The following TSBP1 variants were observed in gnomAD, a reference collection of about 807,000 sequenced individuals.
The protein encoded by TSBP1 is testis-expressed basic protein 1.
A neutral mutation model predicts 68.8 loss-of-function variants in TSBP1; 56 were observed. That is an observed-to-expected ratio of 0.81 (90% confidence interval 0.66 to 1.02). The LOEUF (loss-of-function observed/expected upper bound fraction) is 1.02, where lower values mean the gene tolerates loss of function less well. TSBP1 is among the 50% of genes least tolerant of loss of function. TSBP1 has a pLI of 0.00. For missense variants in TSBP1, 502 were observed against 641.2 expected (o/e 0.78, Z 2.34); for synonymous variants, 171 against 208.7 (o/e 0.82, Z 1.56).
rs572730 is a variant in TSBP1, at chr6:32,321,987, C to T, written c.559+1130G>A. 0.34 allele frequency among the ~76,000 whole-genome samples: 50,930 copies of T among 152,022 alleles called. 9,641 individuals carry two copies. The highest frequency in any genetic ancestry group is 0.52 in the Middle Eastern group (153 of 294). ...TGTGTCCTCCCAGTTTTACACAGTT[C>T]CCAGGAGATTCACCTCATCTCACTC... On this transcript the variant is annotated intron_variant, in intron 18 of 22. Transcript: ENST00000612031. The surrounding 1 kb of genome is among the most constrained non-coding windows in gnomAD (Gnocchi z 4.3).
chr6:32,296,990 A>G (rs1416711789), intron 22 of TSBP1, among the ~76,000 whole-genome samples: 1 of 152,218 alleles, frequency 6.6e-6, no homozygotes, highest in African/African-American at 2.4e-5. Flanking sequence ...ATTTGCTGTC[A>G]TCTTTTAAAT....
intron 9 of TSBP1, among the ~76,000 whole-genome samples, chr6:32,345,735 C>T (rs116111528): frequency 0.023 from 3,470 of 152,198 alleles, 60 homozygotes; most frequent in South Asian, 0.047. Flanking sequence ...TTGGGCACTA[C>T]GCTAGTTCAA....
intron 19 of TSBP1, among the ~76,000 whole-genome samples, chr6:32,307,110 T>C (rs1215228850): frequency 6.6e-6 from 1 of 152,172 alleles, no homozygotes; most frequent in Non-Finnish European, 1.5e-5. Context: ...TGTGTCCTAC[T>C]CTTGAGATTT....
At chr6:32,322,431 C>T (rs9268235) in intron 18 of TSBP1, 55 bp downstream of exon 20, 123,345 of 1,334,402 alleles carry the variant, frequency 0.092, 7,734 homozygotes, top group Non-Finnish European at 0.12. Context: ...GAAATAGAAA[C>T]AACTAAGATA....
Position 32,292,985 on chromosome 6 carries a change from T to C in TSBP1, c.1688A>G (p.Glu563Gly), listed in dbSNP as rs546948582. 158 of 1,591,684 alleles carry C rather than the reference T, an allele frequency of 9.9e-5. No individual in the cohort carries two copies. The South Asian group carries it at 1.4e-3, about 14-fold the overall frequency. The change falls in exon 23 of 23, where the codon GAG becomes GGG. Residue 563 changes from glutamate (E) to glycine (G), a missense_variant. Coordinates refer to ENST00000612031, the Ensembl canonical transcript of TSBP1. The surrounding 1 kb of genome is among the most constrained non-coding windows in gnomAD (Gnocchi z 4.1). Reference sequence around the variant, plus strand: ...GGGCCTTTAAAAAATTTATCCTTACTCTTCCACTTTTTTGTTGTACTTCCT... The same window carrying C: ...GGGCCTTTAAAAAATTTATCCTTACCCTTCCACTTTTTTGTTGTACTTCCT...
At chr6:32,322,361 T>A in intron 18 of TSBP1, 125 bp downstream of exon 20, 1 of 718,894 alleles carries the variant, frequency 1.4e-6, no homozygotes, top group South Asian at 1.9e-5. Flanking sequence ...CTTGCAGTCC[T>A]AATCTTGAAG....
At chr6:32,303,152 T>C (rs1464909489) in intron 19 of TSBP1, among the ~76,000 whole-genome samples, 1 of 140,928 alleles carries the variant, frequency 7.1e-6, no homozygotes, top group African/African-American at 3.1e-5. Context: ...GGTTTACTTG[T>C]TGTCTTCTCT....
chr6:32,355,588 A>C (rs1772209113), intron 7 of TSBP1, 61 bp downstream of exon 7: 2 of 1,572,530 alleles, frequency 1.3e-6, no homozygotes, highest in Non-Finnish European at 1.7e-6. Context: ...AAGCATTTAC[A>C]ATCTAGGGAA....
rs1434589997 is a variant in TSBP1, at chr6:32,371,854, G to A, written c.-148C>T. On this transcript the variant is annotated 5_prime_UTR_variant, in exon 1 of 23. Transcript: ENST00000612031. ...GGCCCTTGTAGGCAGAGATGCAGAG[G>A]ATCACTGAGAAATTGTGTGGAGCAG... 26 of 802,058 alleles carry A rather than the reference G, an allele frequency of 3.2e-5. No individual in the cohort carries two copies. The Admixed American group carries it at 4.6e-4, about 14-fold the overall frequency. 49.7% of individuals were successfully genotyped at this position (802,058 alleles called of 1,614,324 possible).
chr6:32,369,881 A>G lies in TSBP1; in HGVS notation c.100+16T>C, dbSNP rs1361887024. The G allele has an allele frequency of 6.7e-7, 1 of 1,484,312 alleles. No homozygotes were observed. Among genetic ancestry groups the G allele is most frequent in the East Asian group, 2.3e-5 (1 of 44,268 alleles). 91.9% of individuals were successfully genotyped at this position (1,484,312 alleles called of 1,614,324 possible). A position where few individuals can be genotyped will look rare whatever the true frequency, so the allele number is the denominator to read the frequency against. The stretch of plus-strand genomic sequence containing the variant: ...GTTTTCACAGGAAATCTTCATTTTG[A>G]CTCATTATTACTCACCACTTTGCTT... On this transcript the variant is annotated intron_variant, in intron 2 of 22. Transcript: ENST00000612031.
rs1383133954 is a variant in TSBP1 at position 32,337,872 on chromosome 6, G to C, written c.409+1107C>G. 6.6e-6 allele frequency among the ~76,000 whole-genome samples: 1 copy of C among 152,156 alleles called. No homozygotes were observed. The highest frequency in any genetic ancestry group is 1.5e-5 in the Non-Finnish European group (1 of 68,034). On this transcript the variant is annotated intron_variant, in intron 11 of 22. Coordinates refer to ENST00000612031, the Ensembl canonical transcript of TSBP1. This position sits in a 1 kb window ranked among gnomAD's most constrained non-coding sequence, Gnocchi z 5.5. Reference sequence around the variant, plus strand: ...TGATTATTTTAATAATGTTCCATTTGTGTAAATACTCCAAGAGGAGTAGAC... The same window carrying C: ...TGATTATTTTAATAATGTTCCATTTCTGTAAATACTCCAAGAGGAGTAGAC...
chr6:32,320,844 A>G (rs1767547280), intron 18 of TSBP1, among the ~76,000 whole-genome samples: 1 of 151,476 alleles, frequency 6.6e-6, no homozygotes, highest in African/African-American at 2.4e-5. Context: ...CCCACCCTCC[A>G]CCCTCTGACA....
In TSBP1 at chr6:32,314,292, T is replaced by A. The variant is rs1766723613; in HGVS notation, c.580+1480A>T. 6.6e-6 allele frequency among the ~76,000 whole-genome samples: 1 copy of A among 152,186 alleles called. No individual in the cohort carries two copies. Among genetic ancestry groups the A allele is most frequent in the Admixed American group, 6.5e-5 (1 of 15,278 alleles). ...TTTCTTTCTCCCTACCCCTCGGGTG[T>A]TGGATTTTTACATTATTTCCCTGCC... On this transcript the variant is annotated intron_variant, in intron 19 of 22. Transcript: ENST00000612031. This position sits in a 1 kb window ranked among gnomAD's most constrained non-coding sequence, Gnocchi z 4.2.
chr6:32,324,989 C>A (rs1768057814), intron 16 of TSBP1, among the ~76,000 whole-genome samples: 2 of 151,930 alleles, frequency 1.3e-5, no homozygotes, highest in South Asian at 2.1e-4. Context: ...GTATAGATGA[C>A]TTATCTAGAA....
chr6:32,316,518 G>T lies in TSBP1; in HGVS notation c.560-726C>A. The T allele has an allele frequency of 1.2e-6, 1 of 836,938 alleles. No individual in the cohort carries two copies. 51.8% of individuals were successfully genotyped at this position (836,938 alleles called of 1,614,324 possible). A position where few individuals can be genotyped will look rare whatever the true frequency, so the allele number is the denominator to read the frequency against. ...GAATCTTGGTAGTCACACAGCTCTG[G>T]ATGACAATGGCTAATTCTCTGTTAA... On this transcript the variant is annotated intron_variant, in intron 18 of 22. Transcript: ENST00000612031. The surrounding 1 kb of genome is among the most constrained non-coding windows in gnomAD (Gnocchi z 4.5).
rs1437785926 is a variant in TSBP1 at position 32,333,196 on chromosome 6, G to A, written c.473-1142C>T. Among the ~76,000 whole-genome samples, 2 of 151,792 alleles carry A rather than the reference G, an allele frequency of 1.3e-5. No homozygotes were observed. The highest frequency in any genetic ancestry group is 2.4e-5 in the African/African-American group (1 of 41,274). On this transcript the variant is annotated intron_variant, in intron 14 of 22. Transcript: ENST00000612031. This position sits in a 1 kb window ranked among gnomAD's most constrained non-coding sequence, Gnocchi z 4.2. ...GCTAATTTTTGTATTTTTTTAAGTA[G>A]AGATGGGGTTTCACCATATTGGCCA...
chr6:32,347,113 A>G (rs999882132), intron 9 of TSBP1, among the ~76,000 whole-genome samples: 3 of 152,074 alleles, frequency 2.0e-5, no homozygotes, highest in Non-Finnish European at 2.9e-5. Context: ...CAATTTTGTC[A>G]ATTAAAAATT....
intron 7 of TSBP1, 89 bp from the exon 8 acceptor site, chr6:32,355,233 T>A: frequency 7.4e-7 from 1 of 1,342,910 alleles, no homozygotes; most frequent in Non-Finnish European, 1.1e-6. Context: ...TGTCACCCCC[T>A]TCTCAGGAGT....
In TSBP1 at chr6:32,302,331, T is replaced by G. The variant is rs1352539966; in HGVS notation, c.601+278A>C. ...TTAGCCAAGCATGGTGGCACACATC[T>G]GTAGTCCCAGCTACTCAGGAGGCTG... On this transcript the variant is annotated intron_variant, in intron 20 of 22. Transcript: ENST00000612031. The surrounding 1 kb of genome is among the most constrained non-coding windows in gnomAD (Gnocchi z 5.1). 1.3e-5 allele frequency among the ~76,000 whole-genome samples: 2 copies of G among 152,224 alleles called. No individual in the cohort carries two copies. The highest frequency in any genetic ancestry group is 3.9e-4 in the East Asian group (2 of 5,158).
Sources: allele counts gnomAD v4.1 joint callset (sites outside exome capture counted in the v4.1 genomes callset), GRCh38; gene constraint gnomAD v4.1.1; non-coding constraint Gnocchi (gnomAD v3.1); transcripts MANE v1.5; gene names NCBI Gene and HGNC (gene_info 2026-07-23, HGNC 2026-07-21).